Variants in HELZ2 observed in about 807,000 individuals in gnomAD.
The protein encoded by HELZ2 is helicase with zinc finger 2, also known as 3'-5' exoribonuclease HELZ2.
HELZ2 carries 143 observed loss-of-function variants against 208.8 expected under a neutral mutation model. The ratio of observed to expected loss-of-function variants is 0.68; its 90% CI spans 0.60 to 0.79. HELZ2 has a LOEUF of 0.79. Among genes scored for constraint, HELZ2 ranks in the 30% least tolerant of loss-of-function variants. The probability of loss-of-function intolerance (pLI) is 0.00; values close to 1 mark genes in which losing one functional copy is unlikely to be tolerated. For missense variants in HELZ2, 3,690 were observed against 3,794.5 expected, an observed-to-expected ratio of 0.97 and a Z score of 0.72; for synonymous variants, 1,705 against 1,693.7, an observed-to-expected ratio of 1.01 and a Z score of -0.16.
At chr20:63,558,651 G>A (rs1399357335), downstream of HELZ2, 5 of 152,272 alleles carry the variant, frequency 3.3e-5, no homozygotes, top group African/African-American at 1.2e-4. Flanking sequence ...CGATTCTCCT[G>A]CCTCAGCCTC....
intron 1 of HELZ2, 184 bp from the exon 3 acceptor site, chr20:63,571,052 T>C (rs1307402728): frequency 1.8e-6 from 1 of 553,820 alleles, no homozygotes; most frequent in African/African-American, 1.9e-5. Flanking sequence ...ACCTCCCTTA[T>C]CCGGGTCCTC....
chr20:63,560,989 C>T, intron 14 of HELZ2, 60 bp from the exon 16 acceptor site: 1 of 1,598,768 alleles, frequency 6.3e-7, no homozygotes, highest in Non-Finnish European at 8.5e-7. Context: ...CCCAGCCCCA[C>T]ACGACACCCG....
At chr20:63,572,872 G>C (rs976097091), upstream of HELZ2, 2 of 156,274 alleles carry the variant, frequency 1.3e-5, no homozygotes, top group African/African-American at 2.4e-5. Context: ...GGTAGCACAG[G>C]GGCCTTGGGA....
chr20:63,564,329 C>G (rs772873212), exon 8 of HELZ2: 1 of 1,585,902 alleles, frequency 6.3e-7, no homozygotes, highest in Non-Finnish European at 8.6e-7. Context: ...CAGGCGGTGC[C>G]GGCGCAGCAG....
At chr20:63,560,764 G>T (rs374699475) in intron 15 of HELZ2, 31 bp downstream of exon 16, 3 of 1,606,022 alleles carry the variant, frequency 1.9e-6, no homozygotes, top group Non-Finnish European at 1.7e-6. Flanking sequence ...GGGGCTGCAG[G>T]TGGGCTGGGG....
In HELZ2 at chr20:63,569,393, C is replaced by G. The variant is rs773972770; in HGVS notation, c.843G>C (p.Arg281Ser). The G allele has an allele frequency of 3.1e-6, 5 of 1,609,316 alleles. No homozygotes were observed. The Admixed American group carries it at 8.4e-5, about 27-fold the overall frequency. Residue 281 changes from arginine (R) to serine (S), a missense_variant, in exon 4 of 19, where the codon AGG (arginine) becomes AGC (serine). Physicochemically the swap from Arg to Ser is moderately radical, Grantham distance 110. This residue lies in a region of HELZ2 where 1,119 missense variants were observed against 1,193.4 expected (regional missense o/e 0.94). Transcript: ENST00000467148. ...CCTCAGGGTGGCCGAGCGCCAGATT[C>G]CTGCAGGGTCCTGGGCGACGCCCCT...
intron 17 of HELZ2, 28 bp from the exon 19 acceptor site, chr20:63,560,123 G>A (rs748911447): frequency 1.3e-6 from 2 of 1,558,858 alleles, no homozygotes; most frequent in Non-Finnish European, 1.7e-6. Context: ...AGGCCCTGCT[G>A]CCGCTGCGCC....
intron 1 of HELZ2, chr20:63,571,830 G>C: frequency 5.2e-6 from 1 of 190,592 alleles, no homozygotes; most frequent in Non-Finnish European, 8.8e-6. Flanking sequence ...CCCACTCCAA[G>C]CTCCTGGGAA....
rs1453407915 is a variant in HELZ2, at chr20:63,569,078, GTTGCCCCAGCCGCTCCCA to G, written c.1088+52_1088+69del. ...CAAGTCCACGCCCCCATCCGCTCCCGTTGCCCCAGCCGCTCCCATTGCCCCAGCTGCTCCTGCTACCCC... is the reference window on the plus strand; with the variant it reads ...CAAGTCCACGCCCCCATCCGCTCCCGTTGCCCCAGCTGCTCCTGCTACCCC... On this transcript the variant is annotated intron_variant, in intron 4 of 18. Coordinates refer to ENST00000467148, the Ensembl canonical transcript of HELZ2. 1.3e-5 allele frequency: 20 copies of G among 1,585,950 alleles called. No homozygotes were observed. The East Asian group carries it at 4.0e-4, about 32-fold the overall frequency.
In HELZ2 at chr20:63,564,216, C is replaced by T. The variant is rs200138082; in HGVS notation, c.4606G>A (p.Val1536Met). 2.2e-5 allele frequency: 35 copies of T among 1,611,860 alleles called. No homozygotes were observed. Among genetic ancestry groups the T allele is most frequent in the Admixed American group, 1.8e-4 (11 of 59,932 alleles). ...TCGCTGCCCACCAGGAACTCAGCCA[C>T]GAGCCTATTAAACTGAATCATGTAC... Residue 1536 changes from valine to methionine, a missense_variant, in exon 8 of 19, where the codon GTG becomes ATG. Transcript: ENST00000467148.
At chr20:63,567,963 G>GTAT in intron 5 of HELZ2, 1 of 541,706 alleles carries the variant, frequency 1.8e-6, no homozygotes, top group African/African-American at 1.9e-5. Context: ...GCAGGGATGG[G>GTAT]AAGGCCCCGG....
chr20:63,570,647 A>AGGCCCCCCCC, intron 2 of HELZ2, 36 bp from the exon 4 acceptor site: 24 of 1,497,330 alleles, frequency 1.6e-5, no homozygotes, highest in Non-Finnish European at 2.1e-5. Context: ...AGAGGCCTGG[A>AGGCCCCCCCC]CCCCACCCCA....
At position 63,567,322 on chromosome 20, in the gene HELZ2, G is replaced by A. The variant is rs200553049; in HGVS notation, c.2036C>T (p.Thr679Ile). The A allele has an allele frequency of 9.9e-6, 16 of 1,609,428 alleles. No individual in the cohort carries two copies. The African/African-American group carries it at 1.7e-4, about 17-fold the overall frequency. Residue 679 changes from threonine (T) to isoleucine (I), a missense_variant, in exon 6 of 19, where the codon ACC becomes ATC. Coordinates refer to ENST00000467148, the Ensembl canonical transcript of HELZ2. ...GCCGTGCGAGGCATAGGCCAGCGGG[G>A]TGAGGGCCTCGCACTCCAGCATCTG...
chr20:63,562,092 G>A (rs3810481), exon 10 of HELZ2: 283,515 of 1,607,588 alleles, frequency 0.18, 30,713 homozygotes, highest in East Asian at 0.59. Flanking sequence ...CTGAATGACC[G>A]TGAAAGGCTT....
In HELZ2 at chr20:63,560,666, G is replaced by T. The variant is rs771486785; in HGVS notation, c.7313C>A (p.Ala2438Glu). ...CGTCTTCAGCTTGCTCTTGTAGAAC[G>T]CCACAGAGGGGAAGGCACAGATGCC... is the stretch of plus-strand genomic sequence containing the variant. The change falls in exon 16 of 19, where the codon GCG (alanine) becomes GAG (glutamate). Residue 2438 changes from alanine to glutamate, a missense_variant. Transcript: ENST00000467148. 8.7e-6 allele frequency: 14 copies of T among 1,609,202 alleles called. No homozygotes were observed. The African/African-American group carries it at 9.3e-5, about 11-fold the overall frequency.
At chr20:63,572,274 C>A in exon 1 of HELZ2, 1 of 1,585,992 alleles carries the variant, frequency 6.3e-7, no homozygotes, top group Non-Finnish European at 8.6e-7. Flanking sequence ...TACAGCTGGG[C>A]CCCAGGGGGC....
At chr20:63,565,516 C>T (rs758770562) in exon 8 of HELZ2, 45 of 1,606,514 alleles carry the variant, frequency 2.8e-5, no homozygotes, top group Non-Finnish European at 2.9e-5. Context: ...GCTGCAGGGA[C>T]TCGGGCCTGG....
rs755240975 is a variant in HELZ2 at position 63,561,066 on chromosome 20, C to T, written c.7146+16G>A. The T allele has an allele frequency of 1.2e-6, 2 of 1,603,656 alleles. No homozygotes were observed. The highest frequency in any genetic ancestry group is 1.7e-6 in the Non-Finnish European group (2 of 1,174,194). ...GGGACGCCTGCTCATGCTGCCCACA[C>T]CCCCCGCCGACCAACCTTCTCGGCC... On this transcript the variant is annotated intron_variant, in intron 14 of 18. Coordinates refer to ENST00000467148, the Ensembl canonical transcript of HELZ2.
chr20:63,567,610 AT>A lies in HELZ2; in HGVS notation c.1747del (p.Ile583SerfsTer21). The A allele has an allele frequency of 6.3e-7, 1 of 1,599,802 alleles. No individual in the cohort carries two copies. The highest frequency in any genetic ancestry group is 8.5e-7 in the Non-Finnish European group (1 of 1,174,844). On this transcript the variant is annotated frameshift_variant, in exon 6 of 19. Coordinates refer to ENST00000467148, the Ensembl canonical transcript of HELZ2. LOFTEE classifies it high-confidence loss of function. ...GACGTGGCTGTGGAAATACTCCCGG[AT>A]GTAGATGTCGGCGGCACTGCGGGAG...
Sources: allele counts gnomAD v4.1 joint callset, GRCh38; gene constraint gnomAD v4.1.1; regional missense constraint gnomAD v4.1.1; transcripts MANE v1.5; gene names NCBI Gene and HGNC (gene_info 2026-07-23, HGNC 2026-07-21).